The following SLC17A9 variants were observed in gnomAD, a reference collection of about 807,000 sequenced individuals.
SLC17A9 encodes the protein voltage-gated purine nucleotide uniporter SLC17A9.
SLC17A9 carries 49 observed loss-of-function variants against 55.0 expected under a neutral mutation model. The ratio of observed to expected loss-of-function variants is 0.89; its 90% CI spans 0.71 to 1.13. The LOEUF is 1.13. Among genes scored for constraint, SLC17A9 ranks in the 50% most tolerant of loss-of-function variants. The pLI is 0.00. For synonymous variants in SLC17A9, 256 were observed against 247.4 expected (o/e 1.03, Z -0.32); for missense variants, 526 against 569.3 (o/e 0.92, Z 0.77).
chr20:62,968,952 C>G lies in SLC17A9; in HGVS notation c.*1452C>G, dbSNP rs984929872. On this transcript the variant is annotated 3_prime_UTR_variant, in exon 13 of 13. Coordinates refer to ENST00000370351, the MANE Select transcript of SLC17A9 (RefSeq NM_022082.4). ...GCACTTGAGCACAAATGTTCCCCTACAATCTCTCCAGTTTCGGTCAGCCCA... is the reference window on the plus strand; with the variant it reads ...GCACTTGAGCACAAATGTTCCCCTAGAATCTCTCCAGTTTCGGTCAGCCCA... The G allele has an allele frequency of 6.6e-6, 1 of 152,406 alleles. No individual in the cohort carries two copies. Among genetic ancestry groups the G allele is most frequent in the Middle Eastern group, 3.4e-3 (1 of 294 alleles). 9.4% of individuals were successfully genotyped at this position (152,406 alleles called of 1,614,324 possible).
intron 2 of SLC17A9, chr20:62,957,214 G>C: frequency 1.0e-6 from 1 of 985,378 alleles, no homozygotes; most frequent in Non-Finnish European, 1.2e-6. Flanking sequence ...TGGGAGGGGA[G>C]AGGCCAGGCT....
At position 62,964,216 on chromosome 20, in the gene SLC17A9, T is replaced by TC. The variant is rs34586670; in HGVS notation, c.823-6dup. On this transcript the variant is annotated splice_polypyrimidine_tract_variant and intron_variant, in intron 7 of 12. Transcript: ENST00000370351. ...GCCCTGGCCCCCTCTAAGGCCAAAC[T>TC]CCCCCCTGCAGGGCTGGATCTTCAA... 2 of 1,613,358 alleles carry TC rather than the reference T, an allele frequency of 1.2e-6. No homozygotes were observed. Among genetic ancestry groups the TC allele is most frequent in the Non-Finnish European group, 1.7e-6 (2 of 1,179,668 alleles).
Position 62,957,580 on chromosome 20 carries a change from G to C in SLC17A9, c.397G>C (p.Gly133Arg). ...ACGCATCCTCATGGGCTTGCTCCAA[G>C]GTAAGGGGAGCTCAGGCGGCTCCCT... ...FSRILMGLLQGVYFPALTSLL... is the reference protein window; with the variant it reads ...FSRILMGLLQRVYFPALTSLL... Residue 133 changes from glycine to arginine, a missense_variant and splice_region_variant, in exon 3 of 13, where the codon GGG becomes CGG. Physicochemically the swap from Gly to Arg is moderately radical, Grantham distance 125. Coordinates refer to ENST00000370351, the MANE Select transcript of SLC17A9 (RefSeq NM_022082.4). 1.3e-6 allele frequency: 2 copies of C among 1,544,668 alleles called. No individual in the cohort carries two copies. The highest frequency in any genetic ancestry group is 1.7e-6 in the Non-Finnish European group (2 of 1,147,022).
rs1177547585 is a variant in SLC17A9, at chr20:62,962,472, G to C, written c.498-152G>C. 1 of 967,826 alleles carries C rather than the reference G, an allele frequency of 1.0e-6. No homozygotes were observed. Among genetic ancestry groups the C allele is most frequent in the East Asian group, 2.8e-5 (1 of 35,336 alleles). The allele number at this position is 967,826 out of a possible 1,614,324, so 60.0% of individuals were successfully genotyped here. ...CCGAAGTCCTTAACAAAACAGGCCAGGACGGTGGCTTCTGAGCTGCTCCTC... is the reference window on the plus strand; with the variant it reads ...CCGAAGTCCTTAACAAAACAGGCCACGACGGTGGCTTCTGAGCTGCTCCTC... On this transcript the variant is annotated intron_variant, in intron 4 of 12. Coordinates refer to ENST00000370351, the MANE Select transcript of SLC17A9 (RefSeq NM_022082.4). This position sits in a 1 kb window ranked among gnomAD's most constrained non-coding sequence, Gnocchi z 5.5.
At position 62,967,386 on chromosome 20, in the gene SLC17A9, C is replaced by T; in HGVS notation, c.1197C>T (p.Ser399=). 1 of 1,614,198 alleles carries T rather than the reference C, an allele frequency of 6.2e-7. No individual in the cohort carries two copies. The highest frequency in any genetic ancestry group is 8.5e-7 in the Non-Finnish European group (1 of 1,180,030). The stretch of plus-strand genomic sequence containing the variant: ...GCTACTTGATGGAGACCACGGGCTC[C>T]TGGACTTGCCTGTTCAACCTTGTGG... The part of the protein sequence containing the change: ...LGGYLMETTG[S]WTCLFNLVAI... The change falls in exon 13 of 13, where the codon TCC becomes TCT. Residue 399 remains serine (S), a synonymous_variant. Coordinates refer to ENST00000370351, the MANE Select transcript of SLC17A9 (RefSeq NM_022082.4).
chr20:62,954,277 T>A (rs2147642060), intron 1 of SLC17A9, among the ~76,000 whole-genome samples: 1 of 152,326 alleles, frequency 6.6e-6, no homozygotes, highest in East Asian at 1.9e-4. Flanking sequence ...CGCCTTTTCC[T>A]AGCCCGCCCT....
In SLC17A9 at chr20:62,957,531, C is replaced by T. The variant is rs2065547762; in HGVS notation, c.348C>T (p.Ala116=). ...CACTGCTCGCCCACCTGAGCAGTGC[C>T]CACCTGGCCTTCATGACCTTCTCAC... The part of the protein sequence containing the change: ...VTPLLAHLSS[A]HLAFMTFSRI... Residue 116 remains alanine (A), a synonymous_variant, in exon 3 of 13, where the codon GCC becomes GCT. Coordinates refer to ENST00000370351, the MANE Select transcript of SLC17A9 (RefSeq NM_022082.4). The T allele has an allele frequency of 6.2e-7, 1 of 1,605,094 alleles. No individual in the cohort carries two copies. The highest frequency in any genetic ancestry group is 8.5e-7 in the Non-Finnish European group (1 of 1,176,334).
At chr20:62,964,075 C>A in intron 7 of SLC17A9, 153 bp from the exon 8 acceptor site, 1 of 767,000 alleles carries the variant, frequency 1.3e-6, no homozygotes, top group Non-Finnish European at 2.2e-6. Context: ...GGGTGGTGGT[C>A]AAGAGCTGCA....
In SLC17A9 at chr20:62,960,616, C is replaced by G. The variant is rs778749599; in HGVS notation, c.497+13C>G. 21 of 1,606,116 alleles carry G rather than the reference C, an allele frequency of 1.3e-5. No individual in the cohort carries two copies. The African/African-American group carries it at 2.3e-4, about 17-fold the overall frequency. ...GCTCCCAGTTTGGGTAAGTCCTGGC[C>G]TAAGACGGGGCCCAGGAGAGGCCAC... On this transcript the variant is annotated intron_variant, in intron 4 of 12. Coordinates refer to ENST00000370351, the MANE Select transcript of SLC17A9 (RefSeq NM_022082.4).
At chr20:62,957,768 C>A (rs1417309458) in intron 3 of SLC17A9, among the ~76,000 whole-genome samples, 188 bp downstream of exon 3, 1 of 139,190 alleles carries the variant, frequency 7.2e-6, no homozygotes, top group Non-Finnish European at 1.5e-5. Flanking sequence ...GTATGGCATG[C>A]CCGCGTGCAT....
Position 62,952,904 on chromosome 20 carries a change from AGGGGAGGGG to A in SLC17A9, c.59+19_59+27del, listed in dbSNP as rs2065502623. 1 of 79,082 alleles carries A rather than the reference AGGGGAGGGG, an allele frequency of 1.3e-5. No homozygotes were observed. 4.9% of individuals were successfully genotyped at this position (79,082 alleles called of 1,614,324 possible). A position where few individuals can be genotyped will look rare whatever the true frequency, so the allele number is the denominator to read the frequency against. On this transcript the variant is annotated intron_variant, in intron 1 of 12. Transcript: ENST00000370351. ...CAGTGGTCCAGGTGTGGCGGGGGTG[AGGGGAGGGG>A]GGGTGGGAGCGGTGGAGATGGGGCC...
chr20:62,963,892 C>T (rs1400633071), intron 7 of SLC17A9: 7 of 598,914 alleles, frequency 1.2e-5, no homozygotes, highest in East Asian at 2.8e-5. Context: ...ATGATGCGGG[C>T]GCTCGGTGCC....
chr20:62,954,247 G>T (rs187156997), intron 1 of SLC17A9, among the ~76,000 whole-genome samples: 14 of 152,348 alleles, frequency 9.2e-5, no homozygotes, highest in South Asian at 2.1e-4. Flanking sequence ...GGGGCCTGTG[G>T]GTCAAGGCTG....
Position 62,967,470 on chromosome 20 carries a change from G to A in SLC17A9, c.1281G>A (p.Val427=), listed in dbSNP as rs1568919133. 1 of 1,614,062 alleles carries A rather than the reference G, an allele frequency of 6.2e-7. No homozygotes were observed. Among genetic ancestry groups the A allele is most frequent in the Non-Finnish European group, 8.5e-7 (1 of 1,179,978 alleles). ...TFLVFGQAQR[V]DLSSTHEDL The stretch of plus-strand genomic sequence containing the variant: ...TGGTGTTTGGACAGGCTCAGAGGGT[G>A]GACCTGAGCTCTACCCATGAGGACC... Residue 427 remains valine, a synonymous_variant, in exon 13 of 13, where the codon GTG becomes GTA. Transcript: ENST00000370351.
chr20:62,961,724 G>A (rs1555859532), intron 4 of SLC17A9, among the ~76,000 whole-genome samples: 1 of 145,016 alleles, frequency 6.9e-6, no homozygotes, highest in African/African-American at 2.9e-5. Flanking sequence ...CACATAAACC[G>A]GAGGGGATAT....
At chr20:62,956,441 C>T (rs1213704811) in intron 1 of SLC17A9, among the ~76,000 whole-genome samples, 2 of 152,170 alleles carry the variant, frequency 1.3e-5, no homozygotes, top group African/African-American at 2.4e-5. Flanking sequence ...TGGTCACCCT[C>T]TCCCCTGTTC....
At chr20:62,957,325 A>G in intron 2 of SLC17A9, 116 bp from the exon 3 acceptor site, 1 of 1,495,206 alleles carries the variant, frequency 6.7e-7, no homozygotes, top group Non-Finnish European at 8.9e-7. Flanking sequence ...CAGGCCCTGT[A>G]GAGGCAGACA....
At chr20:62,953,314 G>T (rs987388417) in intron 1 of SLC17A9, 5 of 1,537,182 alleles carry the variant, frequency 3.3e-6, no homozygotes, top group Non-Finnish European at 4.4e-6. Context: ...ACGGGGTTGG[G>T]GGGGGTCCTG....
chr20:62,952,914 G>A (rs1475580833), intron 1 of SLC17A9, 25 bp downstream of exon 1: 1 of 1,421,588 alleles, frequency 7.0e-7, no homozygotes, highest in Non-Finnish European at 9.4e-7. Context: ...AGGGGAGGGG[G>A]GGTGGGAGCG....
Sources: gnomAD v4.1 joint callset for allele counts (sites outside exome capture counted in the v4.1 genomes callset) on GRCh38, gnomAD v4.1.1 for gene constraint, Gnocchi (gnomAD v3.1) non-coding constraint, MANE v1.5 for transcripts, NCBI Gene and HGNC (gene_info 2026-07-23, HGNC 2026-07-21) for gene names.